The following MTR variants were observed in gnomAD, a reference collection of about 807,000 sequenced individuals.
The protein encoded by MTR is 5-methyltetrahydrofolate-homocysteine methyltransferase.
A neutral mutation model predicts 154.8 loss-of-function variants in MTR; 84 were observed. The observed-to-expected ratio is 0.54, with a 90% confidence interval of 0.45 to 0.65. The LOEUF (loss-of-function observed/expected upper bound fraction) is 0.65. Among genes scored for constraint, MTR ranks in the 30% least tolerant of loss-of-function variants. The pLI, the probability that MTR is intolerant of heterozygous loss-of-function variation, is 0.00. For missense variants in MTR, 1,275 were observed against 1,570.2 expected, an observed-to-expected ratio of 0.81 and a Z score of 3.18; for synonymous variants, 554 against 553.9, an observed-to-expected ratio of 1.00 and a Z score of 0.00.
chr1:236,834,506 C>G (rs1662789862), intron 13 of MTR, among the ~76,000 whole-genome samples: 1 of 152,096 alleles, frequency 6.6e-6, no homozygotes, highest in South Asian at 2.1e-4. Context: ...AAGTGTGATC[C>G]TTTTTCTCTA....
At position 236,799,295 on chromosome 1, in the gene MTR, T is replaced by G. The variant is rs553394312; in HGVS notation, c.34+3558T>G. On this transcript the variant is annotated intron_variant, in intron 1 of 32. Transcript: ENST00000366577. ...TACTACCAGGCTTGGCTAATTTTTG[T>G]TTTTTTTTTTTGTAGAGATGAGGCC... Among the ~76,000 whole-genome samples, 7 of 139,332 alleles carry G rather than the reference T, an allele frequency of 5.0e-5. No individual in the cohort carries two copies. The East Asian group carries it at 1.4e-3, about 28-fold the overall frequency. The allele number at this position is 139,332 out of a possible 152,430, so 91.4% of individuals were successfully genotyped here.
intron 32 of MTR, among the ~76,000 whole-genome samples, chr1:236,897,338 A>G (rs912423123): frequency 2.7e-5 from 4 of 148,726 alleles, no homozygotes; most frequent in African/African-American, 1.0e-4. Flanking sequence ...ACACACACAC[A>G]CACACATACA....
chr1:236,816,033 A>C (rs557284543), intron 7 of MTR, among the ~76,000 whole-genome samples: 24 of 152,348 alleles, frequency 1.6e-4, no homozygotes, highest in Admixed American at 5.2e-4. Context: ...TTAACTCAGT[A>C]GGCAGACCTC....
chr1:236,890,751 T>G (rs115359506), intron 28 of MTR, among the ~76,000 whole-genome samples: 4,098 of 152,296 alleles, frequency 0.027, 179 homozygotes, highest in African/African-American at 0.092. Context: ...AGGTCGCGTC[T>G]CCCAGAGGTC....
At chr1:236,810,622 G>C (rs1265152074) in intron 5 of MTR, 27 bp downstream of exon 5, 2 of 1,579,002 alleles carry the variant, frequency 1.3e-6, no homozygotes, top group Non-Finnish European at 1.7e-6. Flanking sequence ...TATAATCATT[G>C]ATCTTGGGGA....
chr1:236,887,402 G>A (rs114651713), intron 27 of MTR, among the ~76,000 whole-genome samples: 2 of 152,062 alleles, frequency 1.3e-5, no homozygotes, highest in African/African-American at 4.8e-5. Flanking sequence ...TTTTTACCAC[G>A]TAAAAAAAGG....
chr1:236,845,657 A>G (rs1308161368), intron 15 of MTR, among the ~76,000 whole-genome samples: 1 of 152,190 alleles, frequency 6.6e-6, no homozygotes, highest in Non-Finnish European at 1.5e-5. Context: ...AGAGAAATAG[A>G]TAGGTAACAT....
At chr1:236,849,638 A>G (rs1473967713) in intron 15 of MTR, among the ~76,000 whole-genome samples, 1 of 152,156 alleles carries the variant, frequency 6.6e-6, no homozygotes, top group Non-Finnish European at 1.5e-5. Context: ...GAGAGGGCAA[A>G]TGGTAGGAGA....
chr1:236,838,363 T>A (rs1038150873), intron 14 of MTR, 51 bp from the exon 15 acceptor site: 2 of 1,586,562 alleles, frequency 1.3e-6, no homozygotes, highest in Non-Finnish European at 1.7e-6. Flanking sequence ...TGAAAAGTAA[T>A]TTATAGTGAC....
In MTR at chr1:236,863,755, G is replaced by A. The variant is rs10802567; in HGVS notation, c.2405+201G>A. Among the ~76,000 whole-genome samples, 6,936 of 152,146 alleles carry A rather than the reference G, an allele frequency of 0.046. 477 individuals are homozygous for A. Among genetic ancestry groups the A allele is most frequent in the East Asian group, 0.2 (1,027 of 5,162 alleles). On this transcript the variant is annotated intron_variant, in intron 22 of 32. Transcript: ENST00000366577. Reference sequence around the variant, plus strand: ...AAATGAAATAAGTTAGTAATTATCCGTGTTCAAAAAGGACATAAAGAATAG... The same window carrying A: ...AAATGAAATAAGTTAGTAATTATCCATGTTCAAAAAGGACATAAAGAATAG...
At chr1:236,843,326 T>G (rs1663372789) in intron 15 of MTR, among the ~76,000 whole-genome samples, 1 of 151,264 alleles carries the variant, frequency 6.6e-6, no homozygotes, top group Non-Finnish European at 1.5e-5. Flanking sequence ...AGATAGATGC[T>G]TGTCCTGTTT....
In MTR at chr1:236,903,595, AGT is replaced by A. The variant is rs1667014187; in HGVS notation, c.*5954_*5955del. 1 of 152,188 alleles carries A rather than the reference AGT, an allele frequency of 6.6e-6. No homozygotes were observed. Among genetic ancestry groups the A allele is most frequent in the South Asian group, 2.1e-4 (1 of 4,830 alleles). 9.4% of individuals were successfully genotyped at this position (152,188 alleles called of 1,614,324 possible). ...TTAAATGGTTTTTGAGAACCTTGAGAGTGTATATTCTATGAAATGGAAGAAAC... is the reference window on the plus strand; with the variant it reads ...TTAAATGGTTTTTGAGAACCTTGAGAGTATATTCTATGAAATGGAAGAAAC... On this transcript the variant is annotated 3_prime_UTR_variant, in exon 33 of 33. Transcript: ENST00000366577.
Position 236,891,313 on chromosome 1 carries a change from A to G in MTR, c.3188A>G (p.Tyr1063Cys), listed in dbSNP as rs769801712. The G allele has an allele frequency of 4.1e-5, 66 of 1,613,978 alleles. No individual in the cohort carries two copies. Among genetic ancestry groups the G allele is most frequent in the South Asian group, 3.8e-4 (35 of 91,074 alleles). The change falls in exon 29 of 33, where the codon TAT (tyrosine) becomes TGT (cysteine). Residue 1063 changes from tyrosine (Y) to cysteine (C), a missense_variant. Coordinates refer to ENST00000366577, the MANE Select transcript of MTR (RefSeq NM_000254.3). ...GCTGCAGAGCCCATAGCCACCTTCT[A>G]TGGGTTAAGGCAACAGGTATGGAAG... ...PQAAEPIATF[Y>C]GLRQQAEKDS...
chr1:236,817,411 A>G (rs1249741021), intron 8 of MTR, among the ~76,000 whole-genome samples: 1 of 152,118 alleles, frequency 6.6e-6, no homozygotes, highest in East Asian at 1.9e-4. Context: ...TCACTAGCGC[A>G]GGTCGATGTT....
intron 15 of MTR, among the ~76,000 whole-genome samples, chr1:236,847,797 A>G (rs1663668372): frequency 6.6e-6 from 1 of 152,222 alleles, no homozygotes; most frequent in Admixed American, 6.5e-5. Flanking sequence ...GGGTATTGTA[A>G]TGTGCAACCA....
At chr1:236,873,151 A>C (rs1369861478) in intron 22 of MTR, among the ~76,000 whole-genome samples, 1 of 152,264 alleles carries the variant, frequency 6.6e-6, no homozygotes, top group Non-Finnish European at 1.5e-5. Flanking sequence ...CTTTGAAGGC[A>C]CTGTGCTAAG....
intron 4 of MTR, among the ~76,000 whole-genome samples, chr1:236,810,259 G>A (rs752295229): frequency 3.3e-5 from 5 of 152,160 alleles, no homozygotes; most frequent in Non-Finnish European, 7.3e-5. Flanking sequence ...ATATATGTAA[G>A]CAGAATCTAT....
rs1212923268 is a variant in MTR at position 236,901,375 on chromosome 1, A to G, written c.*3731A>G. 6.6e-6 allele frequency: 1 copy of G among 152,314 alleles called. No homozygotes were observed. The highest frequency in any genetic ancestry group is 1.9e-4 in the East Asian group (1 of 5,206). The allele number at this position is 152,314 out of a possible 1,614,324, so 9.4% of individuals were successfully genotyped here. On this transcript the variant is annotated 3_prime_UTR_variant, in exon 33 of 33. Transcript: ENST00000366577. ...AGGTAGGATTGAGAGTGTTTCAGAC[A>G]GAAAAAGGATTATATGCTGAGGGTA...
chr1:236,852,992 G>A lies in MTR; in HGVS notation c.1857G>A (p.Val619=), dbSNP rs150198234. The part of the protein sequence containing the change: ...MGIVNAGNLP[V]YDDIHKELLQ... Reference sequence around the variant, plus strand: ...TAGTGAATGCTGGAAACCTCCCTGTGTATGATGATATCCATAAGGAACTTC... The same window carrying A: ...TAGTGAATGCTGGAAACCTCCCTGTATATGATGATATCCATAAGGAACTTC... Residue 619 remains valine, a synonymous_variant, in exon 18 of 33, where the codon GTG becomes GTA. Coordinates refer to ENST00000366577, the MANE Select transcript of MTR (RefSeq NM_000254.3). The A allele has an allele frequency of 2.5e-6, 4 of 1,613,874 alleles. No individual in the cohort carries two copies. The highest frequency in any genetic ancestry group is 1.3e-5 in the African/African-American group (1 of 74,906).
Sources: allele counts gnomAD v4.1 joint callset (sites outside exome capture counted in the v4.1 genomes callset), GRCh38; gene constraint gnomAD v4.1.1; transcripts MANE v1.5; gene names NCBI Gene and HGNC (gene_info 2026-07-23, HGNC 2026-07-21).